Variants in GFRA1 observed in about 807,000 individuals in gnomAD.
GFRA1 encodes the protein GDNF family receptor alpha 1.
Under a neutral mutation model 51.6 loss-of-function variants are expected in GFRA1, and 16 were observed. The ratio of observed to expected loss-of-function variants is 0.31; its 90% CI spans 0.21 to 0.47. GFRA1 has a LOEUF of 0.47. Ranked by LOEUF, GFRA1 falls within the 20% of genes least tolerant of loss-of-function variation. GFRA1 has a pLI of 1.00. For synonymous variants in GFRA1, 270 were observed against 241.3 expected (o/e 1.12, Z -1.10); for missense variants, 530 against 594.3 (o/e 0.89, Z 1.13).
chr10:116,100,006 C>T (rs1457714304), intron 6 of GFRA1, among the ~76,000 whole-genome samples: 3 of 152,120 alleles, frequency 2.0e-5, no homozygotes, highest in Non-Finnish European at 4.4e-5. Flanking sequence ...AGTAGCAGAA[C>T]GAGGATTTAA....
intron 5 of GFRA1, among the ~76,000 whole-genome samples, chr10:116,148,294 G>C (rs1958919711): frequency 6.6e-6 from 1 of 152,136 alleles, no homozygotes; most frequent in East Asian, 1.9e-4. Flanking sequence ...CAGTTAGCTA[G>C]CTAATAGCAG....
intron 4 of GFRA1, among the ~76,000 whole-genome samples, chr10:116,251,963 CTT>C (rs3032041): frequency 0.14 from 11,029 of 79,534 alleles, 1,009 homozygotes; most frequent in African/African-American, 0.29. Flanking sequence ...CAATAGGCCT[CTT>C]TTTTTTTTTT....
chr10:116,064,429 G>C lies in GFRA1; in HGVS notation c.1367C>G (p.Ser456Cys), dbSNP rs1315668227. Residue 456 changes from serine (S) to cysteine (C), a missense_variant, in exon 11 of 11, where the codon TCC (serine) becomes TGC (cysteine). By Grantham distance (112) the Ser-to-Cys change is moderately radical. Transcript: ENST00000355422. ...PLLVLVVTAL[S>C]TLLSLTETS ...TGTTTCTGTTAAAGATAATAGGGTGGACAGAGCGGTTACCACCAGGACCAG... is the reference window on the plus strand; with the variant it reads ...TGTTTCTGTTAAAGATAATAGGGTGCACAGAGCGGTTACCACCAGGACCAG... 1.9e-6 allele frequency: 3 copies of C among 1,612,530 alleles called. No homozygotes were observed. Among genetic ancestry groups the C allele is most frequent in the Non-Finnish European group, 2.5e-6 (3 of 1,179,694 alleles).
At chr10:116,166,808 TTTTTTTGTTG>T (rs1960483890) in intron 5 of GFRA1, among the ~76,000 whole-genome samples, 5 of 57,570 alleles carry the variant, frequency 8.7e-5, no homozygotes, top group Admixed American at 4.0e-4. Context: ...TTTTTTTTTT[TTTTTTTGTTG>T]AGACGGAGTC....
chr10:116,079,466 C>T (rs886583779), intron 9 of GFRA1, among the ~76,000 whole-genome samples: 4 of 150,090 alleles, frequency 2.7e-5, no homozygotes, highest in East Asian at 1.9e-4. Context: ...TTCTCAAAAG[C>T]CCCCATTTTC....
chr10:116,185,733 T>C (rs753799221), intron 5 of GFRA1, among the ~76,000 whole-genome samples: 4 of 152,212 alleles, frequency 2.6e-5, no homozygotes, highest in Non-Finnish European at 4.4e-5. Context: ...AACTCCGTTA[T>C]TAGTTTCTTC....
chr10:116,119,834 C>T (rs1315785475), intron 6 of GFRA1, among the ~76,000 whole-genome samples: 1 of 152,250 alleles, frequency 6.6e-6, no homozygotes, highest in African/African-American at 2.4e-5. Context: ...AAATTCGCTG[C>T]ATGGTTTTAT....
intron 5 of GFRA1, among the ~76,000 whole-genome samples, chr10:116,155,106 C>G (rs1202302819): frequency 1.3e-5 from 2 of 152,154 alleles, no homozygotes; most frequent in Non-Finnish European, 2.9e-5. Context: ...CTTCCCAGAA[C>G]TCTAATGTGT....
intron 4 of GFRA1, among the ~76,000 whole-genome samples, chr10:116,266,024 G>A (rs1031946380): frequency 1.3e-5 from 2 of 152,106 alleles, no homozygotes; most frequent in East Asian, 1.9e-4. Flanking sequence ...AAAACAGGAC[G>A]GTTTTTAGAT....
intron 5 of GFRA1, among the ~76,000 whole-genome samples, chr10:116,182,449 A>G (rs1218207012): frequency 6.6e-6 from 1 of 152,160 alleles, no homozygotes; most frequent in Non-Finnish European, 1.5e-5. Context: ...CAGAAGTCAA[A>G]AGCCTAAACA....
At chr10:116,258,475 G>A (rs763883305) in intron 4 of GFRA1, among the ~76,000 whole-genome samples, 17 of 146,224 alleles carry the variant, frequency 1.2e-4, no homozygotes, top group South Asian at 2.1e-4. Context: ...TAATATATAC[G>A]TAACATATAT....
intron 4 of GFRA1, among the ~76,000 whole-genome samples, chr10:116,213,994 G>A (rs1231134994): frequency 1.3e-5 from 2 of 152,186 alleles, no homozygotes; most frequent in African/African-American, 4.8e-5. Flanking sequence ...ACACTATACA[G>A]TAGTCTCTAA....
At chr10:116,220,020 G>C (rs1325089464) in intron 4 of GFRA1, among the ~76,000 whole-genome samples, 1 of 151,984 alleles carries the variant, frequency 6.6e-6, no homozygotes, top group Non-Finnish European at 1.5e-5. Flanking sequence ...ATGTTTTTAA[G>C]TTTAAAATTA....
At chr10:116,083,249 CAG>C (rs1955935050) in intron 9 of GFRA1, among the ~76,000 whole-genome samples, 2 of 152,196 alleles carry the variant, frequency 1.3e-5, no homozygotes, top group Admixed American at 6.5e-5. Context: ...GGGGTAAGGA[CAG>C]GGGGTGAACC....
chr10:116,093,220 A>ATGTT (rs1413135807), intron 8 of GFRA1, among the ~76,000 whole-genome samples: 1 of 152,064 alleles, frequency 6.6e-6, no homozygotes, highest in East Asian at 1.9e-4. Flanking sequence ...GGGGCTATTG[A>ATGTT]TGTTAACATT....
intron 7 of GFRA1, among the ~76,000 whole-genome samples, chr10:116,095,794 G>A (rs973013094): frequency 2.0e-4 from 30 of 152,072 alleles, no homozygotes; most frequent in Non-Finnish European, 2.8e-4. Context: ...ACAGACAGCC[G>A]GCAGGAACAC....
chr10:116,155,772 T>C (rs1959187817), intron 5 of GFRA1, among the ~76,000 whole-genome samples: 1 of 152,088 alleles, frequency 6.6e-6, no homozygotes, highest in South Asian at 2.1e-4. Flanking sequence ...TGCCACCAAA[T>C]CATCATGCTG....
chr10:116,267,708 C>A (rs1459542986), intron 4 of GFRA1, among the ~76,000 whole-genome samples: 3 of 152,110 alleles, frequency 2.0e-5, no homozygotes, highest in Admixed American at 6.5e-5. Context: ...ACTGGCAACA[C>A]CCCATCCCAG....
At chr10:116,208,645 C>T (rs543894357) in intron 5 of GFRA1, among the ~76,000 whole-genome samples, 26 of 152,242 alleles carry the variant, frequency 1.7e-4, no homozygotes, top group South Asian at 6.2e-4. Flanking sequence ...CTTTATACCG[C>T]GCCCACTTAC....
Sources: allele counts gnomAD v4.1 joint callset (sites outside exome capture counted in the v4.1 genomes callset), GRCh38; gene constraint gnomAD v4.1.1; transcripts MANE v1.5; gene names NCBI Gene and HGNC (gene_info 2026-07-23, HGNC 2026-07-21).